PRKG1: variants seen among roughly 807,000 people sequenced by gnomAD.
PRKG1 encodes protein kinase cGMP-dependent 1.
In PRKG1, 35 loss-of-function variants were observed where a neutral mutation model predicts 88.1. The ratio of observed to expected loss-of-function variants is 0.40; its 90% confidence interval spans 0.30 to 0.53. The LOEUF is 0.53. Among genes scored for constraint, PRKG1 ranks in the 20% least tolerant of loss-of-function variants. The probability of loss-of-function intolerance (pLI) is 0.59; values close to 1 mark genes in which losing one functional copy is unlikely to be tolerated. For synonymous variants in PRKG1, 303 were observed against 292.5 expected (o/e 1.04, Z -0.37); for missense variants, 540 against 839.8 (o/e 0.64, Z 4.41).
chr10:51,846,088 T>G (rs556016224), intron 4 of PRKG1, among the ~76,000 whole-genome samples: 10 of 152,056 alleles, frequency 6.6e-5, no homozygotes, highest in Non-Finnish European at 1.5e-4. Context: ...TGCCCCCACA[T>G]CTACCCAAAC....
At chr10:51,089,983 A>G (rs1485834767) in intron 1 of PRKG1, among the ~76,000 whole-genome samples, 1 of 152,174 alleles carries the variant, frequency 6.6e-6, no homozygotes, top group East Asian at 1.9e-4. Context: ...TATGGAAATT[A>G]CAGTAGGTAA....
chr10:51,531,334 C>T (rs1181774431), intron 3 of PRKG1, among the ~76,000 whole-genome samples: 1 of 152,124 alleles, frequency 6.6e-6, no homozygotes, highest in Non-Finnish European at 1.5e-5. Context: ...TTTCATGGCA[C>T]TGTATAACTG....
intron 3 of PRKG1, among the ~76,000 whole-genome samples, chr10:51,547,522 A>G (rs890499003): frequency 2.6e-5 from 4 of 152,104 alleles, no homozygotes; most frequent in Admixed American, 1.3e-4. Context: ...GAAGAATTAC[A>G]TTTGATTTTA....
intron 4 of PRKG1, among the ~76,000 whole-genome samples, chr10:51,828,762 T>C (rs1839937073): frequency 6.6e-6 from 1 of 152,166 alleles, no homozygotes; most frequent in Non-Finnish European, 1.5e-5. Context: ...AGGCATTTAA[T>C]AAGGAAACTA....
chr10:51,044,999 T>G (rs899983007), intron 1 of PRKG1, among the ~76,000 whole-genome samples: 1 of 152,192 alleles, frequency 6.6e-6, no homozygotes, highest in East Asian at 1.9e-4. Context: ...TTTTAGTGCA[T>G]GTATTTGGTA....
In PRKG1 at chr10:51,507,217, G is replaced by A. The variant is rs149868228; in HGVS notation, c.592+39381G>A. On this transcript the variant is annotated intron_variant, in intron 3 of 17. Coordinates refer to ENST00000373980, the MANE Select transcript of PRKG1 (RefSeq NM_006258.4). ...CCTAATGTTAAATGACAAGTTAATG[G>A]GTGTGGCACAGCAACATGGCACATG... Among the ~76,000 whole-genome samples, 168 of 151,598 alleles carry A rather than the reference G, an allele frequency of 1.1e-3. 1 individual carries two copies. The highest frequency in any genetic ancestry group is 3.7e-3 in the African/African-American group (153 of 41,272).
chr10:51,311,861 C>G (rs1055148934), intron 2 of PRKG1, among the ~76,000 whole-genome samples: 2 of 151,980 alleles, frequency 1.3e-5, no homozygotes, highest in African/African-American at 4.8e-5. Flanking sequence ...CACCTGTAGG[C>G]CTTCTTTCTG....
chr10:51,582,245 G>C (rs12251948), intron 3 of PRKG1, among the ~76,000 whole-genome samples: 10,535 of 152,158 alleles, frequency 0.069, 1,197 homozygotes, highest in African/African-American at 0.24. Context: ...TATGTAAGCC[G>C]TGCTTGTTCT....
At chr10:52,131,625 TC>T (rs1246493283) in intron 7 of PRKG1, among the ~76,000 whole-genome samples, 73 of 151,592 alleles carry the variant, frequency 4.8e-4, no homozygotes, top group African/African-American at 1.7e-3. Context: ...GGCGGGTGGA[TC>T]CCCTGAGGTC....
chr10:51,944,366 T>G (rs1267001484), intron 5 of PRKG1, among the ~76,000 whole-genome samples: 1 of 152,104 alleles, frequency 6.6e-6, no homozygotes. Flanking sequence ...TTAGTCTTGT[T>G]AGCAGTCTAT....
chr10:51,630,525 G>C (rs928031439), intron 3 of PRKG1, among the ~76,000 whole-genome samples: 1 of 152,170 alleles, frequency 6.6e-6, no homozygotes, highest in Non-Finnish European at 1.5e-5. Flanking sequence ...TTCTGCAGCT[G>C]TGCTGTTGGT....
intron 4 of PRKG1, among the ~76,000 whole-genome samples, chr10:51,887,362 G>T (rs10762469): frequency 0.75 from 113,922 of 151,814 alleles, 43,213 homozygotes; most frequent in African/African-American, 0.86. Context: ...TAGTCAATAA[G>T]GCTGCAGTGA....
intron 2 of PRKG1, among the ~76,000 whole-genome samples, chr10:51,379,118 A>G (rs1267866644): frequency 6.6e-6 from 1 of 152,144 alleles, no homozygotes; most frequent in Non-Finnish European, 1.5e-5. Flanking sequence ...TAATATCCTT[A>G]TTTATTAAAT....
At chr10:51,546,750 C>T (rs1163352393) in intron 3 of PRKG1, among the ~76,000 whole-genome samples, 1 of 151,202 alleles carries the variant, frequency 6.6e-6, no homozygotes, top group Non-Finnish European at 1.5e-5. Flanking sequence ...CCTACTTATC[C>T]ACAGTTTTAT....
At chr10:51,294,958 C>T in intron 2 of PRKG1, among the ~76,000 whole-genome samples, 1 of 152,192 alleles carries the variant, frequency 6.6e-6, no homozygotes, top group African/African-American at 2.4e-5. Context: ...TGGCACTTGC[C>T]TGTAGTCCCA....
At chr10:52,261,532 C>T (rs188007519) in intron 10 of PRKG1, among the ~76,000 whole-genome samples, 385 of 151,880 alleles carry the variant, frequency 2.5e-3, no homozygotes, top group Middle Eastern at 0.017. Flanking sequence ...AACTTTGATG[C>T]ATAAAGCCTT....
At chr10:51,834,177 A>G (rs1356764182) in intron 4 of PRKG1, among the ~76,000 whole-genome samples, 1 of 152,058 alleles carries the variant, frequency 6.6e-6, no homozygotes, top group Non-Finnish European at 1.5e-5. Context: ...ATGTGTTTCA[A>G]TCTCCATAAT....
At chr10:51,402,934 A>G (rs1037749925) in intron 2 of PRKG1, among the ~76,000 whole-genome samples, 3 of 152,186 alleles carry the variant, frequency 2.0e-5, no homozygotes, top group Non-Finnish European at 4.4e-5. Flanking sequence ...TAGCCAGATT[A>G]CTATTTGGTG....
chr10:52,180,140 G>A (rs1305664340), intron 9 of PRKG1, among the ~76,000 whole-genome samples: 4 of 151,992 alleles, frequency 2.6e-5, no homozygotes, highest in South Asian at 2.1e-4. Context: ...GTCTGCCTGC[G>A]TTATTCAAAA....
Sources: allele counts gnomAD v4.1 joint callset (sites outside exome capture counted in the v4.1 genomes callset), GRCh38; gene constraint gnomAD v4.1.1; transcripts MANE v1.5; gene names NCBI Gene and HGNC (gene_info 2026-07-23, HGNC 2026-07-21).